SEMA5A: variants seen among roughly 807,000 people sequenced by gnomAD.
SEMA5A encodes the protein semaphorin-5A.
In SEMA5A, 55 loss-of-function variants were observed where a neutral mutation model predicts 135.5. The ratio of observed to expected loss-of-function variants is 0.41; its 90% CI spans 0.33 to 0.51. The LOEUF is 0.51. SEMA5A is among the 20% of genes least tolerant of loss of function. SEMA5A has a pLI of 0.37. For synonymous variants in SEMA5A, 580 were observed against 546.5 expected, an observed-to-expected ratio of 1.06 and a Z score of -0.85; for missense variants, 1,290 against 1,419.9, an observed-to-expected ratio of 0.91 and a Z score of 1.47.
At position 9,036,636 on chromosome 5, in the gene SEMA5A, G is replaced by T. The variant is rs925798724; in HGVS notation, c.*6261C>A. 6 of 152,500 alleles carry T rather than the reference G, an allele frequency of 3.9e-5. No individual in the cohort carries two copies. Among genetic ancestry groups the T allele is most frequent in the Non-Finnish European group, 8.8e-5 (6 of 68,026 alleles). The allele number at this position is 152,500 out of a possible 1,614,324, so 9.4% of individuals were successfully genotyped here. The stretch of plus-strand genomic sequence containing the variant: ...GTCACCTCTCTTCTGAGCATATGTT[G>T]TACCTATTCTGGTTCTACATCCCCA... On this transcript the variant is annotated 3_prime_UTR_variant, in exon 23 of 23. Coordinates refer to ENST00000382496, the MANE Select transcript of SEMA5A (RefSeq NM_003966.3).
At chr5:9,390,010 G>T (rs1756081452) in intron 2 of SEMA5A, among the ~76,000 whole-genome samples, 2 of 152,154 alleles carry the variant, frequency 1.3e-5, no homozygotes, top group Admixed American at 6.5e-5. Context: ...AAATCCACAT[G>T]TGCCTCTCTA....
At chr5:9,374,672 A>G (rs1243368205) in intron 3 of SEMA5A, among the ~76,000 whole-genome samples, 2 of 151,826 alleles carry the variant, frequency 1.3e-5, no homozygotes, top group Non-Finnish European at 2.9e-5. Flanking sequence ...AGAGAGAGAA[A>G]AATAGTTTTA....
chr5:9,187,174 C>A (rs977564921), intron 11 of SEMA5A, among the ~76,000 whole-genome samples: 8 of 151,712 alleles, frequency 5.3e-5, no homozygotes, highest in African/African-American at 1.5e-4. Context: ...TTATACCTTC[C>A]AGTATTCAAT....
At chr5:9,446,169 C>T (rs1169243102) in intron 1 of SEMA5A, among the ~76,000 whole-genome samples, 1 of 152,052 alleles carries the variant, frequency 6.6e-6, no homozygotes, top group African/African-American at 2.4e-5. Flanking sequence ...GCAGATTATC[C>T]TTTGGTGAAT....
At chr5:9,442,215 T>C (rs1758262854) in intron 1 of SEMA5A, among the ~76,000 whole-genome samples, 1 of 152,218 alleles carries the variant, frequency 6.6e-6, no homozygotes, top group Non-Finnish European at 1.5e-5. Flanking sequence ...AGGCTAACCA[T>C]GTGGTTAATG....
At chr5:9,512,566 C>A (rs1006170470) in intron 1 of SEMA5A, among the ~76,000 whole-genome samples, 1 of 151,896 alleles carries the variant, frequency 6.6e-6, no homozygotes, top group African/African-American at 2.4e-5. Flanking sequence ...TTCATAGTAA[C>A]TGAGCAGTCT....
intron 11 of SEMA5A, among the ~76,000 whole-genome samples, chr5:9,163,316 A>G (rs1379679628): frequency 6.6e-6 from 1 of 152,228 alleles, no homozygotes; most frequent in Non-Finnish European, 1.5e-5. Context: ...ATTAAAATTG[A>G]CAATAAAAAT....
chr5:9,431,065 C>A (rs545675650), intron 2 of SEMA5A, among the ~76,000 whole-genome samples: 32 of 152,130 alleles, frequency 2.1e-4, no homozygotes, highest in Admixed American at 1.4e-3. Context: ...TTTGGCCAAA[C>A]TAGGGTTAAG....
At position 9,081,758 on chromosome 5, in the gene SEMA5A, A is replaced by C. The variant is rs184609445; in HGVS notation, c.2074-15112T>G. ...TCTCCAGAATAGTGATGAACTATGCATGTGTTGACAATTTGTACTTCAACT... is the reference window on the plus strand; with the variant it reads ...TCTCCAGAATAGTGATGAACTATGCCTGTGTTGACAATTTGTACTTCAACT... On this transcript the variant is annotated intron_variant, in intron 16 of 22. Coordinates refer to ENST00000382496, the MANE Select transcript of SEMA5A (RefSeq NM_003966.3). 2.6e-3 allele frequency among the ~76,000 whole-genome samples: 400 copies of C among 152,308 alleles called. 1 individual carries two copies. The highest frequency in any genetic ancestry group is 9.0e-3 in the African/African-American group (374 of 41,578).
intron 1 of SEMA5A, among the ~76,000 whole-genome samples, chr5:9,496,583 GT>G (rs964919082): frequency 7.9e-5 from 12 of 152,178 alleles, no homozygotes; most frequent in Non-Finnish European, 1.6e-4. Flanking sequence ...ATATTACCAT[GT>G]TTTTTTCAGA....
intron 1 of SEMA5A, among the ~76,000 whole-genome samples, chr5:9,500,422 C>T (rs918833473): frequency 1.6e-4 from 24 of 152,216 alleles, no homozygotes; most frequent in African/African-American, 4.8e-4. Context: ...AACCTTCCAA[C>T]GGTTTTCATC....
intron 16 of SEMA5A, among the ~76,000 whole-genome samples, chr5:9,092,089 A>G (rs1739065803): frequency 6.6e-6 from 1 of 152,176 alleles, no homozygotes; most frequent in Non-Finnish European, 1.5e-5. Context: ...AGAGCTCCTT[A>G]AGGTCAAGCT....
intron 4 of SEMA5A, among the ~76,000 whole-genome samples, chr5:9,321,918 T>C (rs1055710375): frequency 1.3e-5 from 2 of 152,130 alleles, no homozygotes; most frequent in African/African-American, 4.8e-5. Flanking sequence ...GAAAAGAAGC[T>C]TTCATACACA....
intron 10 of SEMA5A, among the ~76,000 whole-genome samples, chr5:9,195,323 G>T (rs1298485317): frequency 6.6e-6 from 1 of 152,060 alleles, no homozygotes; most frequent in Non-Finnish European, 1.5e-5. Flanking sequence ...ATGACACCGT[G>T]CCTGGCTAAT....
At chr5:9,328,718 G>C (rs1425511109) in intron 4 of SEMA5A, among the ~76,000 whole-genome samples, 1 of 152,180 alleles carries the variant, frequency 6.6e-6, no homozygotes, top group African/African-American at 2.4e-5. Flanking sequence ...AGAGGTTGCA[G>C]TGAGCCGAGA....
chr5:9,357,464 T>C (rs1267442670), intron 3 of SEMA5A, among the ~76,000 whole-genome samples: 1 of 152,240 alleles, frequency 6.6e-6, no homozygotes, highest in African/African-American at 2.4e-5. Context: ...ACCAAGCCCA[T>C]GACTCCAGCT....
intron 8 of SEMA5A, among the ~76,000 whole-genome samples, chr5:9,223,833 A>G (rs1747143514): frequency 6.6e-6 from 1 of 152,160 alleles, no homozygotes; most frequent in Non-Finnish European, 1.5e-5. Flanking sequence ...GCTGACACAC[A>G]TCAGGGCTTT....
At chr5:9,130,760 T>A (rs181744195) in intron 13 of SEMA5A, among the ~76,000 whole-genome samples, 1 of 152,206 alleles carries the variant, frequency 6.6e-6, no homozygotes, top group Non-Finnish European at 1.5e-5. Flanking sequence ...TCACCTACTC[T>A]CTAAGCATCA....
chr5:9,291,510 C>G (rs561885469), intron 5 of SEMA5A, among the ~76,000 whole-genome samples: 1 of 151,834 alleles, frequency 6.6e-6, no homozygotes, highest in Non-Finnish European at 1.5e-5. Context: ...CAGAGACCAC[C>G]ATGTTAGGAG....
Sources: allele counts gnomAD v4.1 joint callset (sites outside exome capture counted in the v4.1 genomes callset), GRCh38; gene constraint gnomAD v4.1.1; transcripts MANE v1.5; gene names NCBI Gene and HGNC (gene_info 2026-07-23, HGNC 2026-07-21).